OPCML: variants seen among roughly 807,000 people sequenced by gnomAD.
OPCML encodes the protein opioid-binding protein/cell adhesion molecule.
A neutral mutation model predicts 37.8 loss-of-function variants in OPCML; 13 were observed. That is an observed-to-expected ratio of 0.34 (90% confidence interval 0.22 to 0.55). OPCML has a LOEUF of 0.55. Among genes scored for constraint, OPCML ranks in the 20% least tolerant of loss-of-function variants. OPCML has a pLI of 0.91. For synonymous variants in OPCML, 176 were observed against 168.8 expected (o/e 1.04, Z -0.33); for missense variants, 341 against 435.6 (o/e 0.78, Z 1.93).
At chr11:133,411,349 C>T (rs1565619929) in intron 1 of OPCML, among the ~76,000 whole-genome samples, 1 of 152,206 alleles carries the variant, frequency 6.6e-6, no homozygotes, top group Non-Finnish European at 1.5e-5. Context: ...AATATTCACA[C>T]CCACTCCTCC....
At chr11:132,992,852 T>C (rs1946806805) in intron 1 of OPCML, among the ~76,000 whole-genome samples, 1 of 152,202 alleles carries the variant, frequency 6.6e-6, no homozygotes, top group Admixed American at 6.5e-5. Flanking sequence ...AACTTCCTTG[T>C]TACCAGCAGA....
chr11:132,995,553 G>A (rs1461265364), intron 1 of OPCML, among the ~76,000 whole-genome samples: 1 of 151,258 alleles, frequency 6.6e-6, no homozygotes, highest in Non-Finnish European at 1.5e-5. Flanking sequence ...AAGGAGAGCA[G>A]GGAAATAAAG....
chr11:133,133,552 C>A (rs1332041766), intron 1 of OPCML, among the ~76,000 whole-genome samples: 1 of 152,158 alleles, frequency 6.6e-6, no homozygotes, highest in Non-Finnish European at 1.5e-5. Flanking sequence ...TCCAGAAGAA[C>A]CCCTGATCAC....
At position 132,420,194 on chromosome 11, in the gene OPCML, C is replaced by T; in HGVS notation, c.1016G>A (p.Ter339=). The part of the protein sequence containing the change: ...TLLAHFFIKF[*] Reference sequence around the variant, plus strand: ...GCTCAGAGGACCTAGGATTTCTTATCAAAACTTGATGAAGAAGTGGGCTAA... The same window carrying T: ...GCTCAGAGGACCTAGGATTTCTTATTAAAACTTGATGAAGAAGTGGGCTAA... Residue 339 remains the stop codon, a stop_retained_variant, in exon 8 of 8, where the codon TGA becomes TAA. Transcript: ENST00000524381. 1 of 1,613,768 alleles carries T rather than the reference C, an allele frequency of 6.2e-7. No individual in the cohort carries two copies. The highest frequency in any genetic ancestry group is 8.5e-7 in the Non-Finnish European group (1 of 1,179,752).
At chr11:132,630,395 T>G (rs986300599) in intron 3 of OPCML, among the ~76,000 whole-genome samples, 8 of 152,204 alleles carry the variant, frequency 5.3e-5, no homozygotes, top group Non-Finnish European at 1.0e-4. Flanking sequence ...CTGTCTCTAC[T>G]AAAAATACAA....
intron 7 of OPCML, among the ~76,000 whole-genome samples, chr11:132,426,586 C>T (rs114592298): frequency 2.9e-3 from 445 of 152,270 alleles, no homozygotes; most frequent in African/African-American, 0.01. Context: ...GCATGCACCA[C>T]CATGTCTGGC....
chr11:132,764,007 T>G (rs990215980), intron 2 of OPCML, among the ~76,000 whole-genome samples: 1 of 152,214 alleles, frequency 6.6e-6, no homozygotes, highest in Non-Finnish European at 1.5e-5. Flanking sequence ...CCTCTAGGCC[T>G]CAAAGGCATT....
intron 2 of OPCML, among the ~76,000 whole-genome samples, chr11:132,723,707 A>G (rs1259699837): frequency 6.6e-6 from 1 of 152,216 alleles, no homozygotes; most frequent in Non-Finnish European, 1.5e-5. Flanking sequence ...TTCCAGGCCT[A>G]TGCCCTCCAG....
chr11:132,997,559 G>A (rs1170889483), intron 1 of OPCML, among the ~76,000 whole-genome samples: 2 of 151,854 alleles, frequency 1.3e-5, no homozygotes, highest in African/African-American at 2.4e-5. Flanking sequence ...TGCCATCCAC[G>A]CCGCAATGCT....
intron 2 of OPCML, among the ~76,000 whole-genome samples, chr11:132,753,895 A>C (rs1945935209): frequency 6.6e-6 from 1 of 152,176 alleles, no homozygotes; most frequent in Non-Finnish European, 1.5e-5. Context: ...TCTTCCTGGG[A>C]TCTGTTACCA....
At chr11:133,497,581 G>A (rs958166015) in intron 1 of OPCML, among the ~76,000 whole-genome samples, 1 of 121,854 alleles carries the variant, frequency 8.2e-6, no homozygotes, top group Non-Finnish European at 1.6e-5. Context: ...CAGTGTGAAA[G>A]TGAGATTTTG....
At chr11:132,420,415 T>A (rs544320286) in intron 7 of OPCML, 122 bp from the exon 8 acceptor site, 1 of 1,434,008 alleles carries the variant, frequency 7.0e-7, no homozygotes, top group South Asian at 1.6e-5. Flanking sequence ...CCATTCCAAG[T>A]CTAAACAAAG....
At chr11:132,477,742 G>T (rs1369154691) in intron 4 of OPCML, among the ~76,000 whole-genome samples, 1 of 152,144 alleles carries the variant, frequency 6.6e-6, no homozygotes, top group Non-Finnish European at 1.5e-5. Context: ...TATTGTAGGT[G>T]TAATGCCCAA....
At chr11:132,987,352 G>T (rs570770349) in intron 1 of OPCML, among the ~76,000 whole-genome samples, 2 of 152,152 alleles carry the variant, frequency 1.3e-5, no homozygotes, top group Non-Finnish European at 2.9e-5. Flanking sequence ...TCATGTAGAT[G>T]TAAGAACGTG....
At chr11:133,287,848 C>T (rs1369821389) in intron 1 of OPCML, among the ~76,000 whole-genome samples, 1 of 152,172 alleles carries the variant, frequency 6.6e-6, no homozygotes, top group Non-Finnish European at 1.5e-5. Context: ...GCCCAAGGAG[C>T]CTCTGCAGCC....
At chr11:132,725,397 G>T (rs575950994) in intron 2 of OPCML, among the ~76,000 whole-genome samples, 2 of 152,254 alleles carry the variant, frequency 1.3e-5, no homozygotes, top group South Asian at 2.1e-4. Flanking sequence ...AGCAGGGGGG[G>T]CCCTGGGCCT....
intron 1 of OPCML, among the ~76,000 whole-genome samples, chr11:133,155,592 A>G (rs1348022144): frequency 6.6e-6 from 1 of 152,112 alleles, no homozygotes; most frequent in Non-Finnish European, 1.5e-5. Flanking sequence ...TACCCAGCCC[A>G]CACCCTCAGA....
Position 132,701,608 on chromosome 11 carries a change from C to T in OPCML, c.147-44289G>A, listed in dbSNP as rs183844049. Among the ~76,000 whole-genome samples, 390 of 152,258 alleles carry T rather than the reference C, an allele frequency of 2.6e-3. 3 individuals are homozygous for T. The highest frequency in any genetic ancestry group is 5.4e-3 in the South Asian group (26 of 4,824). On this transcript the variant is annotated intron_variant, in intron 2 of 7. Coordinates refer to ENST00000524381, the MANE Select transcript of OPCML (RefSeq NM_001012393.5). ...TTTTGTGTTTATGCTCTCAGCCACT[C>T]TATGTCTTTTGATTGGAGAATTTAA...
intron 2 of OPCML, among the ~76,000 whole-genome samples, chr11:132,895,152 C>G (rs987075891): frequency 3.9e-5 from 6 of 152,298 alleles, no homozygotes; most frequent in African/African-American, 1.2e-4. Context: ...ACAGAGAGCA[C>G]TGAACTCTCT....
Sources: allele counts gnomAD v4.1 joint callset (sites outside exome capture counted in the v4.1 genomes callset), GRCh38; gene constraint gnomAD v4.1.1; transcripts MANE v1.5; gene names NCBI Gene and HGNC (gene_info 2026-07-23, HGNC 2026-07-21).